PPP2R5A: variants seen among roughly 807,000 people sequenced by gnomAD.
PPP2R5A encodes protein phosphatase 2 regulatory subunit B'alpha.
A neutral mutation model predicts 64.2 loss-of-function variants in PPP2R5A; 25 were observed. The observed-to-expected ratio is 0.39, with a 90% CI of 0.28 to 0.54. The LOEUF (loss-of-function observed/expected upper bound fraction) is 0.54, where lower values mean the gene tolerates loss of function less well. Among genes scored for constraint, PPP2R5A ranks in the 20% least tolerant of loss-of-function variants. The pLI, the probability that PPP2R5A is intolerant of heterozygous loss-of-function variation, is 0.67. For synonymous variants in PPP2R5A, 198 were observed against 201.2 expected (o/e 0.98, Z 0.13); for missense variants, 425 against 576.3 (o/e 0.74, Z 2.69).
chr1:212,355,813 T>C (rs1297268016), intron 8 of PPP2R5A, among the ~76,000 whole-genome samples: 2 of 152,108 alleles, frequency 1.3e-5, no homozygotes, highest in Admixed American at 6.6e-5. Flanking sequence ...TTTAAATAAA[T>C]AGTCTCCACT....
At chr1:212,289,064 AAAC>A (rs1344280032) in intron 1 of PPP2R5A, among the ~76,000 whole-genome samples, 1 of 152,252 alleles carries the variant, frequency 6.6e-6, no homozygotes, top group East Asian at 1.9e-4. Flanking sequence ...AGTATTTAAT[AAAC>A]AACAAGCCTT....
intron 8 of PPP2R5A, among the ~76,000 whole-genome samples, chr1:212,350,673 G>C (rs1659859724): frequency 6.6e-6 from 1 of 151,262 alleles, no homozygotes; most frequent in South Asian, 2.1e-4. Context: ...AAAGAAAAAA[G>C]TAAAACCTTA....
chr1:212,361,690 T>A lies in PPP2R5A; in HGVS notation c.*920T>A, dbSNP rs1056985. On this transcript the variant is annotated 3_prime_UTR_variant, in exon 13 of 13. Transcript: ENST00000261461. Reference sequence around the variant, plus strand: ...TCTGTAGAGCTCTGAAAAGGTTGACTATATAGAGGTCTTGTATGTTTTTAC... The same window carrying A: ...TCTGTAGAGCTCTGAAAAGGTTGACAATATAGAGGTCTTGTATGTTTTTAC... 1.3e-5 allele frequency: 2 copies of A among 152,602 alleles called. No individual in the cohort carries two copies. Among genetic ancestry groups the A allele is most frequent in the Admixed American group, 6.5e-5 (1 of 15,284 alleles). The allele number at this position is 152,602 out of a possible 1,614,324, so 9.5% of individuals were successfully genotyped here.
intron 1 of PPP2R5A, among the ~76,000 whole-genome samples, chr1:212,305,200 C>G (rs1313222593): frequency 2.0e-5 from 3 of 151,480 alleles, no homozygotes; most frequent in African/African-American, 7.3e-5. Flanking sequence ...CCACGCCTGG[C>G]TAATGTTTTG....
intron 1 of PPP2R5A, among the ~76,000 whole-genome samples, chr1:212,286,898 T>G (rs1658514460): frequency 6.6e-6 from 1 of 152,382 alleles, no homozygotes; most frequent in African/African-American, 2.4e-5. Flanking sequence ...TGTAGTATCT[T>G]ATTCACAGGA....
At chr1:212,315,358 G>A (rs143037182) in intron 1 of PPP2R5A, among the ~76,000 whole-genome samples, 1 of 152,272 alleles carries the variant, frequency 6.6e-6, no homozygotes, top group African/African-American at 2.4e-5. Context: ...TATTGAGAGT[G>A]TACTAACATC....
chr1:212,358,570 C>T (rs763079422), intron 11 of PPP2R5A, 116 bp from the exon 12 acceptor site: 3 of 694,730 alleles, frequency 4.3e-6, no homozygotes, highest in Admixed American at 3.0e-5. Flanking sequence ...GTTTTATCAT[C>T]TCTAAAATGG....
chr1:212,307,411 A>G (rs1000684389), intron 1 of PPP2R5A, among the ~76,000 whole-genome samples: 3 of 151,602 alleles, frequency 2.0e-5, no homozygotes, highest in Non-Finnish European at 4.4e-5. Context: ...TTGTGATATT[A>G]GTGTTATATA....
intron 3 of PPP2R5A, among the ~76,000 whole-genome samples, chr1:212,335,238 G>A (rs1327497192): frequency 6.6e-6 from 1 of 151,932 alleles, no homozygotes; most frequent in Non-Finnish European, 1.5e-5. Context: ...CCAGCACTTT[G>A]GGAGGCCAAG....
intron 1 of PPP2R5A, among the ~76,000 whole-genome samples, chr1:212,302,763 C>T (rs1328192898): frequency 2.0e-5 from 3 of 152,180 alleles, no homozygotes; most frequent in Non-Finnish European, 4.4e-5. Context: ...TTTAGGGATT[C>T]CTTGAGTAAC....
In PPP2R5A at chr1:212,290,901, TAAC is replaced by T. The variant is rs1190991898; in HGVS notation, c.181+4613_181+4615del. 4.6e-5 allele frequency among the ~76,000 whole-genome samples: 7 copies of T among 152,194 alleles called. 2 individuals are homozygous for T. The highest frequency in any genetic ancestry group is 1.5e-5 in the Non-Finnish European group (1 of 68,018). ...GAATAACATTTTTCTCTTGATAAAA[TAAC>T]AAAGATGAATTAGTCTTTAAGGAGT... On this transcript the variant is annotated intron_variant, in intron 1 of 12. Coordinates refer to ENST00000261461, the MANE Select transcript of PPP2R5A (RefSeq NM_006243.4).
intron 8 of PPP2R5A, among the ~76,000 whole-genome samples, chr1:212,350,322 A>G (rs761481494): frequency 1.3e-5 from 2 of 152,206 alleles, no homozygotes; most frequent in Non-Finnish European, 2.9e-5. Context: ...CAGGAGAATT[A>G]GAAACCATAT....
At chr1:212,357,812 A>T (rs1357669143) in intron 11 of PPP2R5A, 1 of 151,726 alleles carries the variant, frequency 6.6e-6, no homozygotes, top group African/African-American at 2.4e-5. Context: ...CCAAAAAAAA[A>T]AAAAAAGAGA....
At chr1:212,351,348 CTTGGGT>C (rs1368283335) in intron 8 of PPP2R5A, among the ~76,000 whole-genome samples, 1 of 152,140 alleles carries the variant, frequency 6.6e-6, no homozygotes, top group Non-Finnish European at 1.5e-5. Context: ...GGCCATATTA[CTTGGGT>C]TTAAGCCTTA....
At chr1:212,354,200 A>AT (rs1432461238) in intron 8 of PPP2R5A, among the ~76,000 whole-genome samples, 11 of 152,030 alleles carry the variant, frequency 7.2e-5, no homozygotes, top group Admixed American at 7.2e-4. Context: ...AAATAAATAA[A>AT]TAAAAATAAC....
chr1:212,302,963 G>A (rs546965422), intron 1 of PPP2R5A, among the ~76,000 whole-genome samples: 1 of 152,058 alleles, frequency 6.6e-6, no homozygotes, highest in African/African-American at 2.4e-5. Context: ...TCTATTGTAT[G>A]GTTATACCAT....
At chr1:212,329,445 T>C in intron 2 of PPP2R5A, 114 bp downstream of exon 2, 1 of 952,606 alleles carries the variant, frequency 1.0e-6, no homozygotes. Context: ...TCCCCCAAAT[T>C]TTAGAAAATA....
intron 1 of PPP2R5A, among the ~76,000 whole-genome samples, chr1:212,314,352 C>G (rs554409358): frequency 6.6e-6 from 1 of 152,176 alleles, no homozygotes; most frequent in South Asian, 2.1e-4. Context: ...ATCCCTGACA[C>G]AAAGAAATTG....
chr1:212,319,220 T>C (rs111479111), intron 1 of PPP2R5A, among the ~76,000 whole-genome samples: 27 of 152,348 alleles, frequency 1.8e-4, no homozygotes, highest in African/African-American at 6.3e-4. Context: ...CAGGGCATGA[T>C]CCAAAAGGTA....
Sources: gnomAD v4.1 joint callset for allele counts (sites outside exome capture counted in the v4.1 genomes callset) on GRCh38, gnomAD v4.1.1 for gene constraint, MANE v1.5 for transcripts, NCBI Gene and HGNC (gene_info 2026-07-23, HGNC 2026-07-21) for gene names.